Variants in FAAH2 observed in about 807,000 individuals in gnomAD.
FAAH2 encodes fatty acid amide hydrolase 2.
FAAH2 carries 60 observed loss-of-function variants against 36.9 expected under a neutral mutation model. The observed-to-expected ratio is 1.63, with a 90% CI of 1.32 to 2.02. The LOEUF (loss-of-function observed/expected upper bound fraction) is 2.02, where lower values mean the gene tolerates loss of function less well. Ranked by LOEUF, FAAH2 falls within the 30% of genes most tolerant of loss-of-function variation. The pLI is 0.00. For synonymous variants in FAAH2, 214 were observed against 143.8 expected (o/e 1.49, Z -3.49); for missense variants, 689 against 397.5 (o/e 1.73, Z -6.23).
chrX:57,191,020 G>A, the FAAH2 span, among the ~76,000 whole-genome samples: 3 of 111,410 alleles, frequency 2.7e-5, no homozygotes, highest in Admixed American at 2.9e-4. Context: ...TGAGATTACT[G>A]GTTTGTATGG....
the FAAH2 span, among the ~76,000 whole-genome samples, chrX:57,230,427 A>G: frequency 8.9e-5 from 10 of 112,134 alleles, no homozygotes; most frequent in African/African-American, 3.2e-4. Flanking sequence ...CTTTATGTAT[A>G]ATAACCCAGG....
chrX:57,205,938 G>A, the FAAH2 span, among the ~76,000 whole-genome samples: 49,888 of 110,306 alleles, frequency 0.45, 11,329 homozygotes, highest in African/African-American at 0.88. Flanking sequence ...ATTTCCTATC[G>A]TAGTAGCGAT....
rs780505867 is a variant in FAAH2, at chrX:57,378,787, G to A, written c.878+1G>A. 3.3e-6 allele frequency: 4 copies of A among 1,201,350 alleles called. No homozygotes were observed. In the African/African-American group the frequency reaches 5.3e-5, roughly 16 times the overall value. On this transcript the variant is annotated splice_donor_variant, in intron 6 of 10. Coordinates refer to ENST00000374900, the MANE Select transcript of FAAH2 (RefSeq NM_174912.4). LOFTEE classifies it high-confidence loss of function. ...TCATGGCAGGACCTGGGATCAAAAGGTATGTTCATTTATTTTTATTTCCTT... is the reference window on the plus strand; with the variant it reads ...TCATGGCAGGACCTGGGATCAAAAGATATGTTCATTTATTTTTATTTCCTT...
the FAAH2 span, among the ~76,000 whole-genome samples, chrX:57,251,462 T>C: frequency 9.0e-6 from 1 of 111,665 alleles, no homozygotes; most frequent in African/African-American, 3.3e-5. Context: ...TTCTCACTGA[T>C]GCCAATTCAA....
chrX:57,341,846 C>G (rs2053696027), intron 5 of FAAH2, among the ~76,000 whole-genome samples: 1 of 111,179 alleles, frequency 9.0e-6, no homozygotes, highest in Non-Finnish European at 1.9e-5. Context: ...GTTTCAGAAA[C>G]AGTGGAAAGA....
chrX:57,449,733 C>T (rs770099037), intron 10 of FAAH2, among the ~76,000 whole-genome samples: 19 of 110,747 alleles, frequency 1.7e-4, no homozygotes, highest in Admixed American at 9.7e-4. Flanking sequence ...ATGGCACAAG[C>T]TCGGCTCACT....
chrX:57,420,991 GT>G (rs1283587680), intron 7 of FAAH2, among the ~76,000 whole-genome samples: 2 of 112,336 alleles, frequency 1.8e-5, no homozygotes, highest in Non-Finnish European at 3.8e-5. Context: ...TGTGGTTTTT[GT>G]CTTTGGTTTT....
rs200254063 is a variant in FAAH2 at position 57,344,123 on chromosome X, C to CT, written c.742+2746dup. Reference sequence around the variant, plus strand: ...TGGTTCCATATGAGTTTTAGAATAGCTTTTTTTTTTTTTAAATTCTGTGAA... The same window carrying CT: ...TGGTTCCATATGAGTTTTAGAATAGCTTTTTTTTTTTTTTAAATTCTGTGAA... On this transcript the variant is annotated intron_variant, in intron 5 of 10. Coordinates refer to ENST00000374900, the MANE Select transcript of FAAH2 (RefSeq NM_174912.4). Among the ~76,000 whole-genome samples the CT allele has an allele frequency of 2.5e-3, 250 of 101,447 alleles. 4 individuals carry two copies. In the East Asian group the frequency reaches 0.057, roughly 23 times the overall value. 88.1% of individuals were successfully genotyped at this position (101,447 alleles called of 115,157 possible).
the FAAH2 span, among the ~76,000 whole-genome samples, chrX:57,279,134 T>C: frequency 8.9e-6 from 1 of 112,209 alleles, no homozygotes; most frequent in Non-Finnish European, 1.9e-5. Context: ...AATCATTCTA[T>C]GATAAAGAAA....
chrX:57,291,776 A>C (rs2051992548), intron 1 of FAAH2, among the ~76,000 whole-genome samples: 1 of 111,075 alleles, frequency 9.0e-6, no homozygotes, highest in Non-Finnish European at 1.9e-5. Context: ...CTACAATTGT[A>C]TATAATAATT....
At chrX:57,168,354 C>G in the FAAH2 span, among the ~76,000 whole-genome samples, 3 of 109,403 alleles carry the variant, frequency 2.7e-5, no homozygotes, top group African/African-American at 1.0e-4. Context: ...TAGGTCCTCT[C>G]TGCTGATAGA....
At chrX:57,274,859 C>T in the FAAH2 span, among the ~76,000 whole-genome samples, 1 of 111,910 alleles carries the variant, frequency 8.9e-6, no homozygotes, top group Non-Finnish European at 1.9e-5. Context: ...ACAAGGATGC[C>T]TCTCTCATCA....
chrX:57,479,619 G>T (rs1323012585), intron 10 of FAAH2, among the ~76,000 whole-genome samples: 1 of 111,346 alleles, frequency 9.0e-6, no homozygotes, highest in East Asian at 2.8e-4. Context: ...TATTGGCTGT[G>T]GGTTTGTCAT....
chrX:57,200,530 C>G, the FAAH2 span, among the ~76,000 whole-genome samples: 3 of 110,329 alleles, frequency 2.7e-5, no homozygotes, highest in African/African-American at 6.6e-5. Context: ...AGGCATGTAC[C>G]ACCATGCCTG....
the FAAH2 span, among the ~76,000 whole-genome samples, chrX:57,220,078 T>A: frequency 9.2e-6 from 1 of 109,053 alleles, no homozygotes; most frequent in African/African-American, 3.4e-5. Flanking sequence ...CTTGCTTATC[T>A]GTTCAAATCC....
intron 2 of FAAH2, among the ~76,000 whole-genome samples, chrX:57,293,324 T>C (rs2052040094): frequency 8.9e-6 from 1 of 112,376 alleles, no homozygotes; most frequent in South Asian, 3.6e-4. Context: ...ATGGTTAATA[T>C]AAATAAAATG....
At chrX:57,235,232 C>T in the FAAH2 span, among the ~76,000 whole-genome samples, 1 of 110,943 alleles carries the variant, frequency 9.0e-6, no homozygotes, top group Non-Finnish European at 1.9e-5. Context: ...CTGCAATTGT[C>T]TCGATTTTGC....
Position 57,425,191 on chromosome X carries a change from C to A in FAAH2, c.997-6727C>A, listed in dbSNP as rs1227248181. 6.3e-5 allele frequency among the ~76,000 whole-genome samples: 7 copies of A among 110,904 alleles called. No individual in the cohort carries two copies. The Admixed American group carries it at 6.7e-4, about 11-fold the overall frequency. Reference sequence around the variant, plus strand: ...ACTCTGACAAAAAAAGAAATAGTTTCAAAAAAAGCCTTCAAAAAGTTTGGA... The same window carrying A: ...ACTCTGACAAAAAAAGAAATAGTTTAAAAAAAAGCCTTCAAAAAGTTTGGA... On this transcript the variant is annotated intron_variant, in intron 7 of 10. Transcript: ENST00000374900.
At chrX:57,195,064 G>A in the FAAH2 span, among the ~76,000 whole-genome samples, 1 of 111,075 alleles carries the variant, frequency 9.0e-6, no homozygotes, top group Non-Finnish European at 1.9e-5. Flanking sequence ...AAATTCTGCT[G>A]CTATAAACAT....
Sources: allele counts gnomAD v4.1 joint callset (sites outside exome capture counted in the v4.1 genomes callset), GRCh38; gene constraint gnomAD v4.1.1; transcripts MANE v1.5; gene names NCBI Gene and HGNC (gene_info 2026-07-23, HGNC 2026-07-21).